CCSER1: variants seen among roughly 807,000 people sequenced by gnomAD.
CCSER1 encodes coiled-coil serine rich protein 1, also known as serine-rich coiled-coil domain-containing protein 1.
In CCSER1, 41 loss-of-function variants were observed where a neutral mutation model predicts 82.0. The observed-to-expected ratio is 0.50, with a 90% confidence interval of 0.39 to 0.65. The LOEUF (loss-of-function observed/expected upper bound fraction) is 0.65, where lower values mean the gene tolerates loss of function less well. Among genes scored for constraint, CCSER1 ranks in the 30% least tolerant of loss-of-function variants. The pLI, the probability that CCSER1 is intolerant of heterozygous loss-of-function variation, is 0.00. For synonymous variants in CCSER1, 414 were observed against 383.9 expected, an observed-to-expected ratio of 1.08 and a Z score of -0.92; for missense variants, 1,119 against 1,064.2, an observed-to-expected ratio of 1.05 and a Z score of -0.72.
chr4:91,541,469 C>A (rs1485483945), intron 10 of CCSER1, among the ~76,000 whole-genome samples: 2 of 152,126 alleles, frequency 1.3e-5, no homozygotes, highest in African/African-American at 2.4e-5. Context: ...TGAGTGAGAA[C>A]ATGCGGTGTT....
At chr4:91,422,742 C>T (rs1292035002) in intron 10 of CCSER1, among the ~76,000 whole-genome samples, 1 of 152,022 alleles carries the variant, frequency 6.6e-6, no homozygotes, top group Non-Finnish European at 1.5e-5. Flanking sequence ...TGCACGTTGC[C>T]TTTAGGACAT....
At chr4:91,018,538 C>T (rs1181296624) in intron 9 of CCSER1, among the ~76,000 whole-genome samples, 1 of 152,026 alleles carries the variant, frequency 6.6e-6, no homozygotes, top group African/African-American at 2.4e-5. Flanking sequence ...GTTTATAGTC[C>T]TTAATTGCTT....
intron 5 of CCSER1, among the ~76,000 whole-genome samples, chr4:90,600,351 T>C (rs2148747068): frequency 6.6e-6 from 1 of 152,300 alleles, no homozygotes; most frequent in South Asian, 2.1e-4. Context: ...CTTGGTACAG[T>C]CAGACTTTTT....
chr4:91,416,786 A>G (rs1000366705), intron 10 of CCSER1, among the ~76,000 whole-genome samples: 54 of 152,218 alleles, frequency 3.5e-4, no homozygotes, highest in African/African-American at 1.1e-3. Flanking sequence ...TTCAGGACAT[A>G]GGCACTGGCA....
intron 10 of CCSER1, among the ~76,000 whole-genome samples, chr4:91,235,428 T>G (rs1287635946): frequency 3.3e-5 from 5 of 152,294 alleles, no homozygotes; most frequent in Middle Eastern, 3.4e-3. Flanking sequence ...TCACTTAGAG[T>G]GCCTGAGGCA....
intron 4 of CCSER1, among the ~76,000 whole-genome samples, chr4:90,423,368 G>C (rs1560495972): frequency 6.6e-6 from 1 of 152,060 alleles, no homozygotes; most frequent in Non-Finnish European, 1.5e-5. Flanking sequence ...TGGGACTACA[G>C]GCGCGTGCCA....
intron 10 of CCSER1, among the ~76,000 whole-genome samples, chr4:91,551,191 C>G (rs1305958273): frequency 6.6e-6 from 1 of 151,944 alleles, no homozygotes; most frequent in Non-Finnish European, 1.5e-5. Flanking sequence ...ATATACTCTT[C>G]AAATACCTTT....
intron 1 of CCSER1, among the ~76,000 whole-genome samples, chr4:90,254,425 C>G (rs1722913684): frequency 6.6e-6 from 1 of 152,086 alleles, no homozygotes; most frequent in South Asian, 2.1e-4. Flanking sequence ...GTTGAACCTC[C>G]ACCGTAAACT....
chr4:91,116,700 G>T lies in CCSER1; in HGVS notation c.2217+30706G>T, dbSNP rs11931665. Among the ~76,000 whole-genome samples, 626 of 152,330 alleles carry T rather than the reference G, an allele frequency of 4.1e-3. 4 individuals carry two copies. Among genetic ancestry groups the T allele is most frequent in the African/African-American group, 0.014 (588 of 41,564 alleles). On this transcript the variant is annotated intron_variant, in intron 10 of 10. Transcript: ENST00000509176. ...GTTTTTGTTGTTAAAGAAAATTGCA[G>T]TTTAGGAAGGATAGGAATAAACTAT... is the stretch of plus-strand genomic sequence containing the variant.
chr4:91,398,877 G>C (rs1424418490), intron 10 of CCSER1, among the ~76,000 whole-genome samples: 2 of 151,860 alleles, frequency 1.3e-5, no homozygotes, highest in African/African-American at 2.4e-5. Flanking sequence ...GCTCAGGGTA[G>C]ATCAGAATTA....
chr4:90,735,561 G>A (rs1210474036), intron 7 of CCSER1, among the ~76,000 whole-genome samples: 2 of 152,046 alleles, frequency 1.3e-5, no homozygotes, highest in Non-Finnish European at 2.9e-5. Flanking sequence ...GATTTTATGT[G>A]TCTCAAAATT....
chr4:90,610,911 T>C (rs1035631422), intron 5 of CCSER1, among the ~76,000 whole-genome samples: 10 of 152,074 alleles, frequency 6.6e-5, no homozygotes, highest in Non-Finnish European at 1.5e-4. Flanking sequence ...CAAGTTTTGC[T>C]CTTGTTGCCC....
intron 5 of CCSER1, among the ~76,000 whole-genome samples, chr4:90,588,250 C>T (rs964093173): frequency 1.7e-4 from 26 of 152,160 alleles, no homozygotes; most frequent in African/African-American, 6.0e-4. Flanking sequence ...CATTTGATAG[C>T]ATTTAACCGA....
intron 3 of CCSER1, among the ~76,000 whole-genome samples, chr4:90,359,778 C>T (rs1744972651): frequency 6.6e-6 from 1 of 150,514 alleles, no homozygotes; most frequent in South Asian, 2.1e-4. Flanking sequence ...TCAGTCTTAT[C>T]TATGGTTTTA....
chr4:91,128,539 T>C (rs1727708747), intron 10 of CCSER1, among the ~76,000 whole-genome samples: 1 of 152,068 alleles, frequency 6.6e-6, no homozygotes. Flanking sequence ...TATACATACA[T>C]AGTTTGTTTT....
At chr4:90,476,038 G>GTGTGTGTA (rs1162401122) in intron 5 of CCSER1, among the ~76,000 whole-genome samples, 2 of 146,580 alleles carry the variant, frequency 1.4e-5, no homozygotes, top group Non-Finnish European at 3.0e-5. Context: ...GTGTGTGTGT[G>GTGTGTGTA]TGTGTGTATG....
chr4:90,974,942 C>T (rs115304727), intron 9 of CCSER1, among the ~76,000 whole-genome samples: 3,141 of 151,206 alleles, frequency 0.021, 131 homozygotes, highest in African/African-American at 0.072. Flanking sequence ...TTATTAGTAG[C>T]CAAATGTGGA....
At chr4:90,162,827 G>A (rs533070159) in intron 1 of CCSER1, among the ~76,000 whole-genome samples, 3 of 152,202 alleles carry the variant, frequency 2.0e-5, no homozygotes, top group South Asian at 2.1e-4. Flanking sequence ...ACAATATTCA[G>A]TACTTGAATA....
chr4:91,283,104 A>G (rs1406190839), intron 10 of CCSER1, among the ~76,000 whole-genome samples: 3 of 152,146 alleles, frequency 2.0e-5, no homozygotes, highest in African/African-American at 7.2e-5. Flanking sequence ...CATGTCCTTG[A>G]GTATATTATA....
Sources: gnomAD v4.1 joint callset for allele counts (sites outside exome capture counted in the v4.1 genomes callset) on GRCh38, gnomAD v4.1.1 for gene constraint, MANE v1.5 for transcripts, NCBI Gene and HGNC (gene_info 2026-07-23, HGNC 2026-07-21) for gene names.